The following AGAP1 variants were observed in gnomAD, a reference collection of about 807,000 sequenced individuals.
The protein encoded by AGAP1 is ArfGAP with GTPase domain, ankyrin repeat and PH domain 1, also known as arf-GAP with GTPase, ANK repeat and PH domain-containing protein 1.
A neutral mutation model predicts 105.3 loss-of-function variants in AGAP1; 29 were observed. The observed-to-expected ratio is 0.28, with a 90% CI of 0.21 to 0.38. The LOEUF (loss-of-function observed/expected upper bound fraction) is 0.38. Ranked by LOEUF, AGAP1 falls within the 10% of genes least tolerant of loss-of-function variation. AGAP1 has a pLI of 1.00. For missense variants in AGAP1, 998 were observed against 1,165.1 expected, an observed-to-expected ratio of 0.86 and a Z score of 2.09; for synonymous variants, 509 against 485.9, an observed-to-expected ratio of 1.05 and a Z score of -0.63.
intron 11 of AGAP1, among the ~76,000 whole-genome samples, chr2:235,920,327 A>G (rs2052118749): frequency 6.6e-6 from 1 of 152,196 alleles, no homozygotes; most frequent in Non-Finnish European, 1.5e-5. Flanking sequence ...CACTCCCAAC[A>G]TGGAGCAGTA....
chr2:235,634,403 G>A (rs1163715169), intron 1 of AGAP1, among the ~76,000 whole-genome samples: 1 of 152,134 alleles, frequency 6.6e-6, no homozygotes, highest in Non-Finnish European at 1.5e-5. Context: ...CTGAGACTTC[G>A]GAAGGTTCCC....
In AGAP1 at chr2:236,042,766, C is replaced by G. The variant is rs1354922935; in HGVS notation, c.1891+1925C>G. 1.3e-5 allele frequency among the ~76,000 whole-genome samples: 2 copies of G among 152,082 alleles called. No homozygotes were observed. Among genetic ancestry groups the G allele is most frequent in the Non-Finnish European group, 2.9e-5 (2 of 68,016 alleles). ...GAGGTGTGGGCCAGTTTGTTCTGAG[C>G]AAGACCACCTGAGCAGATGGACAGG... On this transcript the variant is annotated intron_variant, in intron 15 of 17. Transcript: ENST00000304032. This position sits in a 1 kb window ranked among gnomAD's most constrained non-coding sequence, Gnocchi z 5.6.
At position 235,712,465 on chromosome 2, in the gene AGAP1, G is replaced by A. The variant is rs960692481; in HGVS notation, c.222+3228G>A. On this transcript the variant is annotated intron_variant, in intron 2 of 17. Coordinates refer to ENST00000304032, the MANE Select transcript of AGAP1 (RefSeq NM_001037131.3). The surrounding 1 kb of genome is among the most constrained non-coding windows in gnomAD (Gnocchi z 6.0). ...TCAGAGGGGAAGGCACATAGGCTCT[G>A]GACATCTTGCCTGTGTAGGGGACCT... Among the ~76,000 whole-genome samples, 1 of 152,238 alleles carries A rather than the reference G, an allele frequency of 6.6e-6. No homozygotes were observed. The highest frequency in any genetic ancestry group is 1.5e-5 in the Non-Finnish European group (1 of 68,044).
In AGAP1 at chr2:235,494,485, G is replaced by T. The variant is rs1158673709; in HGVS notation, c.-202G>T. ...GCCGGGGCCCGCTCGCTCGCCGGCC[G>T]CGCGTCCCGGCCATGAACTGAGCCC... is the stretch of plus-strand genomic sequence containing the variant. On this transcript the variant is annotated 5_prime_UTR_variant, in exon 1 of 18. Transcript: ENST00000304032. 1 of 143,446 alleles carries T rather than the reference G, an allele frequency of 7.0e-6. No homozygotes were observed. Among genetic ancestry groups the T allele is most frequent in the South Asian group, 2.1e-4 (1 of 4,664 alleles). 8.9% of individuals were successfully genotyped at this position (143,446 alleles called of 1,614,324 possible).
rs182136231 is a variant in AGAP1, at chr2:235,871,037, A to G, written c.1051-12308A>G. 3.7e-3 allele frequency among the ~76,000 whole-genome samples: 564 copies of G among 152,344 alleles called. 3 individuals carry two copies. The highest frequency in any genetic ancestry group is 9.3e-3 in the South Asian group (45 of 4,832). On this transcript the variant is annotated intron_variant, in intron 9 of 17. Coordinates refer to ENST00000304032, the MANE Select transcript of AGAP1 (RefSeq NM_001037131.3). ...CTCTCTAATCCATGGATCTCTAATC[A>G]GAAGGGTCTGTGAGGCATTGCCTTA...
chr2:235,514,077 CAT>C (rs2149034774), intron 1 of AGAP1, among the ~76,000 whole-genome samples: 1 of 152,306 alleles, frequency 6.6e-6, no homozygotes, highest in Non-Finnish European at 1.5e-5. Context: ...GTACAGAACA[CAT>C]GTATCTGTAT....
In AGAP1 at chr2:235,971,684, C is replaced by T. The variant is rs549440305; in HGVS notation, c.1645+3061C>T. On this transcript the variant is annotated intron_variant, in intron 13 of 17. Coordinates refer to ENST00000304032, the MANE Select transcript of AGAP1 (RefSeq NM_001037131.3). This position sits in a 1 kb window ranked among gnomAD's most constrained non-coding sequence, Gnocchi z 4.8. ...CAGCCTGGGCGACAGAGTGAGACTC[C>T]GTCTCAAAAAAAAAAAAAATCTGTT... Among the ~76,000 whole-genome samples, 947 of 147,674 alleles carry T rather than the reference C, an allele frequency of 6.4e-3. 1 individual carries two copies. The highest frequency in any genetic ancestry group is 0.04 in the Middle Eastern group (11 of 278).
intron 9 of AGAP1, among the ~76,000 whole-genome samples, chr2:235,832,805 G>C (rs1357388220): frequency 6.6e-6 from 1 of 152,200 alleles, no homozygotes; most frequent in Non-Finnish European, 1.5e-5. Context: ...CTAGAAGGCA[G>C]GTGGGCAGCT....
chr2:235,583,813 G>T (rs2149195235), intron 1 of AGAP1, among the ~76,000 whole-genome samples: 1 of 151,364 alleles, frequency 6.6e-6, no homozygotes, highest in Admixed American at 6.6e-5. Flanking sequence ...GGCAGAGGTT[G>T]CAGTGAGCCA....
chr2:235,684,586 C>T (rs1949279960), intron 1 of AGAP1, among the ~76,000 whole-genome samples: 1 of 152,180 alleles, frequency 6.6e-6, no homozygotes, highest in African/African-American at 2.4e-5. Context: ...AGGTGCAGAG[C>T]AGTGTCTTAG....
chr2:235,561,743 A>G (rs1382526888), intron 1 of AGAP1, among the ~76,000 whole-genome samples: 3 of 152,228 alleles, frequency 2.0e-5, no homozygotes, highest in Admixed American at 2.0e-4. Flanking sequence ...TAGAACTGTA[A>G]TTGACTTAGT....
chr2:235,633,171 T>C lies in AGAP1; in HGVS notation c.164-76008T>C, dbSNP rs1304419993. ...GTTAACGAGAGAAAAGCATTATACA[T>C]TTACTTGATCCTGGTTTTACGGCAT... is the stretch of plus-strand genomic sequence containing the variant. On this transcript the variant is annotated intron_variant, in intron 1 of 17. Coordinates refer to ENST00000304032, the MANE Select transcript of AGAP1 (RefSeq NM_001037131.3). This position sits in a 1 kb window ranked among gnomAD's most constrained non-coding sequence, Gnocchi z 4.8. Among the ~76,000 whole-genome samples, 1 of 152,090 alleles carries C rather than the reference T, an allele frequency of 6.6e-6. No homozygotes were observed. Among genetic ancestry groups the C allele is most frequent in the Non-Finnish European group, 1.5e-5 (1 of 68,012 alleles).
At chr2:235,939,325 A>G (rs2053142221) in intron 12 of AGAP1, among the ~76,000 whole-genome samples, 1 of 151,814 alleles carries the variant, frequency 6.6e-6, no homozygotes, top group Admixed American at 6.6e-5. Flanking sequence ...TGGAGCTTCC[A>G]TGTATGATCT....
At chr2:236,091,714 G>T (rs574148495) in intron 16 of AGAP1, among the ~76,000 whole-genome samples, 1 of 152,340 alleles carries the variant, frequency 6.6e-6, no homozygotes, top group East Asian at 1.9e-4. Context: ...AGAGGTTACA[G>T]TAAGCTGGGA....
At chr2:235,852,087 G>C (rs1387813924) in intron 9 of AGAP1, among the ~76,000 whole-genome samples, 9 of 152,142 alleles carry the variant, frequency 5.9e-5, no homozygotes, top group Non-Finnish European at 1.3e-4. Flanking sequence ...AGAAGGTCAG[G>C]CCTGTCCAGA....
At chr2:235,831,373 C>T (rs1959376077) in intron 9 of AGAP1, among the ~76,000 whole-genome samples, 1 of 152,114 alleles carries the variant, frequency 6.6e-6, no homozygotes, top group Non-Finnish European at 1.5e-5. Context: ...GGAGTGTGTT[C>T]TGTGAATCTG....
Position 235,608,939 on chromosome 2 carries a change from C to T in AGAP1, c.164-100240C>T, listed in dbSNP as rs1946039178. 6.6e-6 allele frequency among the ~76,000 whole-genome samples: 1 copy of T among 151,804 alleles called. No individual in the cohort carries two copies. Among genetic ancestry groups the T allele is most frequent in the South Asian group, 2.1e-4 (1 of 4,782 alleles). On this transcript the variant is annotated intron_variant, in intron 1 of 17. Coordinates refer to ENST00000304032, the MANE Select transcript of AGAP1 (RefSeq NM_001037131.3). The surrounding 1 kb of genome is among the most constrained non-coding windows in gnomAD (Gnocchi z 5.4). ...TCCCCCCCATCCCTAATACCCCCAA[C>T]TATGCAAATGATAGTACTAGGAATA...
Position 236,044,830 on chromosome 2 carries a change from C to T in AGAP1, c.1891+3989C>T, listed in dbSNP as rs554260858. Among the ~76,000 whole-genome samples, 4 of 152,128 alleles carry T rather than the reference C, an allele frequency of 2.6e-5. No homozygotes were observed. In the South Asian group the frequency reaches 6.2e-4, roughly 24 times the overall value. On this transcript the variant is annotated intron_variant, in intron 15 of 17. Coordinates refer to ENST00000304032, the MANE Select transcript of AGAP1 (RefSeq NM_001037131.3). This position sits in a 1 kb window ranked among gnomAD's most constrained non-coding sequence, Gnocchi z 5.7. Reference sequence around the variant, plus strand: ...GTTCTGCCCTGGGGGCTTCCTGGCTCTGGTGTATCCTAGAATTTTCTTAGC... The same window carrying T: ...GTTCTGCCCTGGGGGCTTCCTGGCTTTGGTGTATCCTAGAATTTTCTTAGC...
rs900851654 is a variant in AGAP1, at chr2:235,700,027, C to G, written c.164-9152C>G. Among the ~76,000 whole-genome samples, 7 of 152,176 alleles carry G rather than the reference C, an allele frequency of 4.6e-5. No homozygotes were observed. The highest frequency in any genetic ancestry group is 1.7e-4 in the African/African-American group (7 of 41,440). ...AGCTTGTACTCAGCCTGTAGGTTAA[C>G]AAGCTGGGGCCAGAAGGCTGTACTG... On this transcript the variant is annotated intron_variant, in intron 1 of 17. Coordinates refer to ENST00000304032, the MANE Select transcript of AGAP1 (RefSeq NM_001037131.3). The surrounding 1 kb of genome is among the most constrained non-coding windows in gnomAD (Gnocchi z 6.1).
Sources: gnomAD v4.1 joint callset for allele counts (sites outside exome capture counted in the v4.1 genomes callset) on GRCh38, gnomAD v4.1.1 for gene constraint, Gnocchi (gnomAD v3.1) non-coding constraint, MANE v1.5 for transcripts, NCBI Gene and HGNC (gene_info 2026-07-23, HGNC 2026-07-21) for gene names.